The following EPB41L3 variants were observed in gnomAD, a reference collection of about 807,000 sequenced individuals.
EPB41L3 encodes the protein erythrocyte membrane protein band 4.1 like 3, also known as band 4.1-like protein 3.
A neutral mutation model predicts 127.1 loss-of-function variants in EPB41L3; 57 were observed. The ratio of observed to expected loss-of-function variants is 0.45; its 90% CI spans 0.36 to 0.56. The LOEUF is 0.56. EPB41L3 is among the 20% of genes least tolerant of loss of function. The probability of loss-of-function intolerance (pLI) is 0.00; values close to 1 mark genes in which losing one functional copy is unlikely to be tolerated. For missense variants in EPB41L3, 1,273 were observed against 1,372.2 expected, an observed-to-expected ratio of 0.93 and a Z score of 1.14; for synonymous variants, 572 against 549.5, an observed-to-expected ratio of 1.04 and a Z score of -0.57.
chr18:5,492,417 A>T (rs571060544), intron 1 of EPB41L3, among the ~76,000 whole-genome samples: 1 of 127,802 alleles, frequency 7.8e-6, no homozygotes, highest in South Asian at 2.7e-4. Flanking sequence ...CAAATGCCAA[A>T]ACATTTCTTT....
At chr18:5,469,429 C>T (rs1306773029) in intron 3 of EPB41L3, among the ~76,000 whole-genome samples, 1 of 152,106 alleles carries the variant, frequency 6.6e-6, no homozygotes, top group Non-Finnish European at 1.5e-5. Context: ...AGCTGTCTGC[C>T]CCGCCATAGC....
At chr18:5,602,218 C>T (rs750266542) in intron 3 of EPB41L3, among the ~76,000 whole-genome samples, 3 of 152,180 alleles carry the variant, frequency 2.0e-5, no homozygotes, top group Non-Finnish European at 4.4e-5. Flanking sequence ...GGGGAACTAG[C>T]AGCATGTCCT....
chr18:5,462,395 A>C lies in EPB41L3; in HGVS notation c.381+15846T>G, dbSNP rs115515548. On this transcript the variant is annotated intron_variant, in intron 3 of 22. Transcript: ENST00000341928. ...TCAATCAAAGAGCATGACAACACTCAATTATTTCTCCACAATGGTACCTTA... is the reference window on the plus strand; with the variant it reads ...TCAATCAAAGAGCATGACAACACTCCATTATTTCTCCACAATGGTACCTTA... Among the ~76,000 whole-genome samples, 947 of 152,308 alleles carry C rather than the reference A, an allele frequency of 6.2e-3. 6 individuals are homozygous for C. The highest frequency in any genetic ancestry group is 0.021 in the African/African-American group (869 of 41,566).
At chr18:5,536,016 G>C (rs147885847) in intron 1 of EPB41L3, among the ~76,000 whole-genome samples, 1 of 152,280 alleles carries the variant, frequency 6.6e-6, no homozygotes, top group East Asian at 1.9e-4. Flanking sequence ...CCAGACTGCT[G>C]CATCTGCTGT....
At chr18:5,411,409 G>C (rs919847099) in intron 13 of EPB41L3, among the ~76,000 whole-genome samples, 11 of 152,160 alleles carry the variant, frequency 7.2e-5, no homozygotes, top group Non-Finnish European at 2.9e-5. Flanking sequence ...AAGAGAAAGA[G>C]AGAAACATCT....
At chr18:5,615,202 C>CT (rs112471454) in intron 1 of EPB41L3, among the ~76,000 whole-genome samples, 29,010 of 151,252 alleles carry the variant, frequency 0.19, 3,139 homozygotes, top group Non-Finnish European at 0.25. Context: ...CTAATTCAGA[C>CT]TTTTTTTTTA....
At chr18:5,608,743 T>C (rs1317909918) in intron 3 of EPB41L3, among the ~76,000 whole-genome samples, 2 of 152,058 alleles carry the variant, frequency 1.3e-5, no homozygotes, top group Non-Finnish European at 2.9e-5. Flanking sequence ...AGAGGGGAGA[T>C]GAGAAGACCC....
At chr18:5,495,462 A>G (rs1038552928) in intron 1 of EPB41L3, among the ~76,000 whole-genome samples, 1 of 151,980 alleles carries the variant, frequency 6.6e-6, no homozygotes, top group Non-Finnish European at 1.5e-5. Flanking sequence ...CCCTGCTTCA[A>G]GGAATGCACA....
At chr18:5,602,941 C>T (rs1193864031) in intron 3 of EPB41L3, among the ~76,000 whole-genome samples, 1 of 152,140 alleles carries the variant, frequency 6.6e-6, no homozygotes, top group African/African-American at 2.4e-5. Context: ...GAAGAAAGAA[C>T]TTCATGAATC....
At chr18:5,452,630 A>T (rs952771167) in intron 3 of EPB41L3, among the ~76,000 whole-genome samples, 7 of 152,204 alleles carry the variant, frequency 4.6e-5, no homozygotes, top group African/African-American at 1.7e-4. Flanking sequence ...TGAAAAATAA[A>T]AGTTCTCAGG....
intron 11 of EPB41L3, among the ~76,000 whole-genome samples, chr18:5,421,568 C>T (rs1452629604): frequency 6.6e-6 from 1 of 152,120 alleles, no homozygotes; most frequent in Non-Finnish European, 1.5e-5. Context: ...TAGGCTAGCT[C>T]ACAAAAGCCT....
At chr18:5,566,619 T>A (rs535774126) in intron 3 of EPB41L3, among the ~76,000 whole-genome samples, 1 of 152,148 alleles carries the variant, frequency 6.6e-6, no homozygotes, top group African/African-American at 2.4e-5. Flanking sequence ...TACTTTAAAG[T>A]TCATATGGAA....
chr18:5,454,190 G>GTT lies in EPB41L3; in HGVS notation c.382-8948_382-8947dup, dbSNP rs1423857166. Among the ~76,000 whole-genome samples, 7 of 117,600 alleles carry GTT rather than the reference G, an allele frequency of 6.0e-5. No individual in the cohort carries two copies. In the East Asian group the frequency reaches 1.8e-3, roughly 30 times the overall value. 77.2% of individuals were successfully genotyped at this position (117,600 alleles called of 152,430 possible). A position where few individuals can be genotyped will look rare whatever the true frequency, so the allele number is the denominator to read the frequency against. The stretch of plus-strand genomic sequence containing the variant: ...GCCTTGAAATTTAAGCGGAGAGTGT[G>GTT]TTTTTTTTTTGTTTCCTTGTTTTTT... On this transcript the variant is annotated intron_variant, in intron 3 of 22. Coordinates refer to ENST00000341928, the MANE Select transcript of EPB41L3 (RefSeq NM_012307.5).
chr18:5,598,154 CA>C (rs1163910899), intron 3 of EPB41L3, among the ~76,000 whole-genome samples: 1 of 152,166 alleles, frequency 6.6e-6, no homozygotes, highest in Non-Finnish European at 1.5e-5. Flanking sequence ...TCTGAAACAG[CA>C]AGGTCAAAGA....
At position 5,561,087 on chromosome 18, in the gene EPB41L3, C is replaced by T. The variant is rs1288474191; in HGVS notation, c.-306+51253G>A. On this transcript the variant is annotated intron_variant, in intron 3 of 21. Transcript: ENST00000545076. ...CCGCCTCCCAGGTTCACGCCATTCT[C>T]CTGCCTCAGCCTCCCGAGTAGCTGG... Among the ~76,000 whole-genome samples, 2 of 148,520 alleles carry T rather than the reference C, an allele frequency of 1.3e-5. 1 individual carries two copies. Among genetic ancestry groups the T allele is most frequent in the Non-Finnish European group, 3.0e-5 (2 of 66,882 alleles).
At chr18:5,441,585 C>T (rs925041488) in intron 5 of EPB41L3, among the ~76,000 whole-genome samples, 1 of 152,090 alleles carries the variant, frequency 6.6e-6, no homozygotes, top group African/African-American at 2.4e-5. Flanking sequence ...CCTGCCTCAG[C>T]CTCCCGAGTA....
chr18:5,474,276 A>G (rs1229183571), intron 3 of EPB41L3, among the ~76,000 whole-genome samples: 2 of 152,202 alleles, frequency 1.3e-5, no homozygotes, highest in South Asian at 2.1e-4. Flanking sequence ...GAACACTACA[A>G]TGATCTAAGC....
At chr18:5,415,414 C>T (rs2076673742) in intron 13 of EPB41L3, among the ~76,000 whole-genome samples, 1 of 152,206 alleles carries the variant, frequency 6.6e-6, no homozygotes, top group Non-Finnish European at 1.5e-5. Context: ...CACTCTTCCA[C>T]CTCTCCTTGA....
At chr18:5,527,008 GT>G (rs2093245353) in intron 1 of EPB41L3, among the ~76,000 whole-genome samples, 1 of 135,968 alleles carries the variant, frequency 7.4e-6, no homozygotes, top group Admixed American at 7.2e-5. Flanking sequence ...ATATTCATTG[GT>G]TAAAAAAAAA....
Sources: gnomAD v4.1 joint callset for allele counts (sites outside exome capture counted in the v4.1 genomes callset) on GRCh38, gnomAD v4.1.1 for gene constraint, MANE v1.5 for transcripts, NCBI Gene and HGNC (gene_info 2026-07-23, HGNC 2026-07-21) for gene names.